The following PTPRG variants were observed in gnomAD, a reference collection of about 807,000 sequenced individuals.
PTPRG encodes protein tyrosine phosphatase receptor type G.
Under a neutral mutation model 165.3 loss-of-function variants are expected in PTPRG, and 102 were observed. The observed-to-expected ratio is 0.62, with a 90% CI of 0.53 to 0.73. The LOEUF is 0.73. Among genes scored for constraint, PTPRG ranks in the 30% least tolerant of loss-of-function variants. The pLI, the probability that PTPRG is intolerant of heterozygous loss-of-function variation, is 0.00. For missense variants in PTPRG, 1,866 were observed against 1,861.4 expected, an observed-to-expected ratio of 1.00 and a Z score of -0.05; for synonymous variants, 675 against 669.5, an observed-to-expected ratio of 1.01 and a Z score of -0.13.
chr3:61,599,268 G>A (rs1164522000), intron 1 of PTPRG, among the ~76,000 whole-genome samples: 2 of 152,134 alleles, frequency 1.3e-5, no homozygotes, highest in Non-Finnish European at 2.9e-5. Context: ...TCCTGCCTCA[G>A]TTTCCCAAGT....
intron 1 of PTPRG, among the ~76,000 whole-genome samples, chr3:61,619,852 A>T (rs531447690): frequency 5.9e-5 from 9 of 152,252 alleles, no homozygotes; most frequent in African/African-American, 1.9e-4. Flanking sequence ...TTTGAACCCT[A>T]GGAAGTCTAG....
intron 2 of PTPRG, among the ~76,000 whole-genome samples, chr3:61,934,690 C>T (rs187768561): frequency 4.5e-4 from 68 of 152,126 alleles, no homozygotes; most frequent in African/African-American, 1.6e-3. Flanking sequence ...TGTGCTGCTC[C>T]CACTCTTGTC....
chr3:62,282,946 A>C, intron 28 of PTPRG, 77 bp downstream of exon 28: 2 of 1,412,170 alleles, frequency 1.4e-6, no homozygotes, highest in Non-Finnish European at 1.9e-6. Flanking sequence ...TAGAAAAGGA[A>C]GCCAGAATTT....
chr3:61,695,312 GT>G (rs1260570217), intron 1 of PTPRG, among the ~76,000 whole-genome samples: 3 of 152,108 alleles, frequency 2.0e-5, no homozygotes, highest in Non-Finnish European at 4.4e-5. Flanking sequence ...CGCCTGGCGT[GT>G]TTGGCTTTTT....
chr3:61,938,014 T>A (rs1473080598), intron 2 of PTPRG, among the ~76,000 whole-genome samples: 1 of 151,890 alleles, frequency 6.6e-6, no homozygotes, highest in African/African-American at 2.4e-5. Context: ...AATTTAAAAC[T>A]ATAATACCGA....
In PTPRG at chr3:62,275,943, A is replaced by G. The variant is rs751501561; in HGVS notation, c.3536A>G (p.Asn1179Ser). 1 of 1,610,648 alleles carries G rather than the reference A, an allele frequency of 6.2e-7. No individual in the cohort carries two copies. The change falls in exon 24 of 30, where the codon AAC (asparagine) becomes AGC (serine). Residue 1179 changes from asparagine (N) to serine (S), a missense_variant. Physicochemically the swap from Asn to Ser is conservative, Grantham distance 46. Transcript: ENST00000474889. ...SAQKECNKEK[N>S]RNSSVVPSER... ...CAGAAAGAGTGTAACAAAGAAAAGA[A>G]CAGAAACTCTTCAGTTGTGCCATGT...
chr3:61,668,986 ATT>A (rs1356969591), intron 1 of PTPRG, among the ~76,000 whole-genome samples: 2 of 152,182 alleles, frequency 1.3e-5, no homozygotes, highest in Non-Finnish European at 2.9e-5. Context: ...AAGCTCATTT[ATT>A]ACACTGAACT....
chr3:61,654,526 A>G (rs1421200492), intron 1 of PTPRG, among the ~76,000 whole-genome samples: 4 of 151,846 alleles, frequency 2.6e-5, no homozygotes, highest in Non-Finnish European at 1.5e-5. Context: ...ATGTGACTAG[A>G]GGCATGTGCC....
intron 2 of PTPRG, among the ~76,000 whole-genome samples, chr3:61,806,722 G>GGT (rs1353395806): frequency 6.6e-6 from 1 of 152,084 alleles, no homozygotes; most frequent in Non-Finnish European, 1.5e-5. Flanking sequence ...ATTACAGAGT[G>GGT]GTAATTATTC....
At chr3:62,216,535 G>A (rs1015416133) in intron 12 of PTPRG, among the ~76,000 whole-genome samples, 2 of 151,640 alleles carry the variant, frequency 1.3e-5, no homozygotes, top group Non-Finnish European at 2.9e-5. Context: ...AGGTCTTTGA[G>A]ATTCCCCCCC....
chr3:62,039,113 T>G (rs936227466), intron 4 of PTPRG, among the ~76,000 whole-genome samples: 1 of 152,176 alleles, frequency 6.6e-6, no homozygotes, highest in Non-Finnish European at 1.5e-5. Flanking sequence ...TTTTGTATTT[T>G]TAGTAGGGAC....
intron 1 of PTPRG, among the ~76,000 whole-genome samples, chr3:61,729,449 T>C (rs1465063930): frequency 3.9e-5 from 6 of 152,194 alleles, no homozygotes; most frequent in African/African-American, 1.4e-4. Flanking sequence ...CTGGGTTGAT[T>C]TAGGTTACTC....
At chr3:61,605,250 A>C (rs1413604186) in intron 1 of PTPRG, among the ~76,000 whole-genome samples, 1 of 151,870 alleles carries the variant, frequency 6.6e-6, no homozygotes, top group African/African-American at 2.4e-5. Context: ...TATTTTAATT[A>C]ATTTTTTTCT....
Position 62,230,064 on chromosome 3 carries a change from G to A in PTPRG, c.2289-1161G>A, listed in dbSNP as rs75634164. 2.9e-3 allele frequency among the ~76,000 whole-genome samples: 439 copies of A among 152,340 alleles called. 3 individuals carry two copies. Among genetic ancestry groups the A allele is most frequent in the African/African-American group, 0.01 (418 of 41,574 alleles). On this transcript the variant is annotated intron_variant, in intron 13 of 29. Transcript: ENST00000474889. The stretch of plus-strand genomic sequence containing the variant: ...TATCCATGATGTTTGTAGGACAGTT[G>A]TTGTAGTTCCAGGATGTACTCAATA...
intron 1 of PTPRG, among the ~76,000 whole-genome samples, chr3:61,627,091 T>C (rs1262508430): frequency 1.0e-5 from 1 of 97,456 alleles, no homozygotes; most frequent in African/African-American, 4.4e-5. Context: ...AACAAATCAA[T>C]GTTAAAAGCA....
In PTPRG at chr3:61,919,546, C is replaced by T. The variant is rs75139235; in HGVS notation, c.191-70079C>T. On this transcript the variant is annotated intron_variant, in intron 2 of 29. Coordinates refer to ENST00000474889, the MANE Select transcript of PTPRG (RefSeq NM_002841.4). ...GCATGAATTGGAGGAGGGTTTTGCCCACAGCTGTCACAATCCAGTAGGGGT... is the reference window on the plus strand; with the variant it reads ...GCATGAATTGGAGGAGGGTTTTGCCTACAGCTGTCACAATCCAGTAGGGGT... Among the ~76,000 whole-genome samples, 1,028 of 152,128 alleles carry T rather than the reference C, an allele frequency of 6.8e-3. 8 individuals are homozygous for T. The highest frequency in any genetic ancestry group is 0.021 in the African/African-American group (892 of 41,510).
At chr3:61,673,694 C>G (rs747804923) in intron 1 of PTPRG, among the ~76,000 whole-genome samples, 47 of 152,160 alleles carry the variant, frequency 3.1e-4, no homozygotes, top group Non-Finnish European at 5.4e-4. Flanking sequence ...GTATCCACCA[C>G]CCGAGTAATG....
intron 2 of PTPRG, among the ~76,000 whole-genome samples, chr3:61,873,656 G>A (rs1311873865): frequency 2.6e-5 from 4 of 152,046 alleles, no homozygotes; most frequent in African/African-American, 7.2e-5. Flanking sequence ...GGTAATGTGT[G>A]GAATTGGGTA....
intron 2 of PTPRG, among the ~76,000 whole-genome samples, chr3:61,807,653 T>G (rs550775946): frequency 6.6e-6 from 1 of 152,364 alleles, no homozygotes; most frequent in South Asian, 2.1e-4. Flanking sequence ...TATACACATA[T>G]GTACACTTGT....
Sources: gnomAD v4.1 joint callset for allele counts (sites outside exome capture counted in the v4.1 genomes callset) on GRCh38, gnomAD v4.1.1 for gene constraint, MANE v1.5 for transcripts, NCBI Gene and HGNC (gene_info 2026-07-23, HGNC 2026-07-21) for gene names.